Variants in NKAIN3 observed in about 807,000 individuals in gnomAD.
The protein encoded by NKAIN3 is sodium/potassium transporting ATPase interacting 3, also known as sodium/potassium-transporting ATPase subunit beta-1-interacting protein 3.
NKAIN3 carries 25 observed loss-of-function variants against 30.2 expected under a neutral mutation model. That is an observed-to-expected ratio of 0.83 (90% CI 0.60 to 1.16). The LOEUF is 1.16. NKAIN3 is among the 50% of genes most tolerant of loss of function. The pLI, the probability that NKAIN3 is intolerant of heterozygous loss-of-function variation, is 0.00. For synonymous variants in NKAIN3, 91 were observed against 89.6 expected, an observed-to-expected ratio of 1.02 and a Z score of -0.09; for missense variants, 225 against 254.1, an observed-to-expected ratio of 0.89 and a Z score of 0.78.
At position 62,388,509 on chromosome 8, in the gene NKAIN3, CTGCCA is replaced by C. The variant is rs1301277454; in HGVS notation, c.54+139383_54+139387del. On this transcript the variant is annotated intron_variant, in intron 1 of 6. Coordinates refer to ENST00000623646, the MANE Select transcript of NKAIN3 (RefSeq NM_001304533.3). ...TGGTAACAAATGGGGATGGGCAGAA[CTGCCA>C]AGCATATGTGGATTAACTAAAATTC... 1.8e-4 allele frequency among the ~76,000 whole-genome samples: 27 copies of C among 152,242 alleles called. 1 individual carries two copies. The highest frequency in any genetic ancestry group is 6.3e-3 in the Middle Eastern group (2 of 316).
At chr8:62,260,857 T>G (rs973035780) in intron 1 of NKAIN3, among the ~76,000 whole-genome samples, 20 of 152,328 alleles carry the variant, frequency 1.3e-4, no homozygotes, top group South Asian at 2.1e-4. Flanking sequence ...TATACTGTTA[T>G]CTCTGCTCTG....
intron 3 of NKAIN3, among the ~76,000 whole-genome samples, chr8:62,659,958 C>T (rs117750603): frequency 0.019 from 2,850 of 152,260 alleles, 35 homozygotes; most frequent in Non-Finnish European, 0.032. Context: ...GTGAGGCCTC[C>T]CAAGCCATGT....
chr8:62,292,806 G>T (rs1048818816), intron 1 of NKAIN3, among the ~76,000 whole-genome samples: 4 of 152,050 alleles, frequency 2.6e-5, no homozygotes, highest in Non-Finnish European at 5.9e-5. Context: ...GGAAGTTGTG[G>T]ATAATATCCT....
At chr8:62,779,257 C>T (rs139490339) in intron 4 of NKAIN3, among the ~76,000 whole-genome samples, 1 of 152,188 alleles carries the variant, frequency 6.6e-6, no homozygotes, top group East Asian at 1.9e-4. Context: ...TTCACTGGCA[C>T]CAAAGTCCAC....
intron 3 of NKAIN3, among the ~76,000 whole-genome samples, chr8:62,723,366 C>T (rs991907012): frequency 3.3e-5 from 5 of 152,012 alleles, no homozygotes; most frequent in African/African-American, 4.8e-5. Context: ...CATGCATACG[C>T]ATGCATGATT....
chr8:62,560,747 G>C (rs1027816807), intron 1 of NKAIN3, among the ~76,000 whole-genome samples: 4 of 151,466 alleles, frequency 2.6e-5, no homozygotes, highest in Non-Finnish European at 5.9e-5. Flanking sequence ...CACCATGGTG[G>C]CCAGGCTGAC....
chr8:62,394,580 T>G (rs1817671879), intron 1 of NKAIN3, among the ~76,000 whole-genome samples: 1 of 46,632 alleles, frequency 2.1e-5, no homozygotes, highest in East Asian at 1.0e-3. Flanking sequence ...CTTGGAGGGT[T>G]GCACAGTGGC....
intron 4 of NKAIN3, among the ~76,000 whole-genome samples, chr8:62,800,741 C>T (rs1202417050): frequency 1.3e-5 from 2 of 151,986 alleles, no homozygotes; most frequent in African/African-American, 2.4e-5. Flanking sequence ...GTTCATCTCA[C>T]TAGGGAGTGC....
At chr8:62,390,702 A>G (rs564505100) in intron 1 of NKAIN3, among the ~76,000 whole-genome samples, 6 of 152,088 alleles carry the variant, frequency 3.9e-5, no homozygotes, top group African/African-American at 1.4e-4. Flanking sequence ...ATCAGCATCT[A>G]TTGTTTTGTG....
chr8:62,833,266 A>G (rs1186125644), intron 4 of NKAIN3, among the ~76,000 whole-genome samples: 1 of 151,870 alleles, frequency 6.6e-6, no homozygotes, highest in Non-Finnish European at 1.5e-5. Context: ...ATGATCTAAC[A>G]TCACACAAAT....
chr8:62,335,410 C>T (rs1314601251), intron 1 of NKAIN3, among the ~76,000 whole-genome samples: 5 of 121,406 alleles, frequency 4.1e-5, no homozygotes, highest in South Asian at 2.6e-4. Flanking sequence ...GCCTGGGTGA[C>T]GGAGTAAGTG....
At chr8:62,370,457 C>A (rs1475733058) in intron 1 of NKAIN3, among the ~76,000 whole-genome samples, 1 of 151,856 alleles carries the variant, frequency 6.6e-6, no homozygotes, top group Non-Finnish European at 1.5e-5. Flanking sequence ...ATTAAAAAAT[C>A]AAACTGCTGT....
At chr8:62,616,482 C>A (rs1811458017) in intron 3 of NKAIN3, among the ~76,000 whole-genome samples, 1 of 152,128 alleles carries the variant, frequency 6.6e-6, no homozygotes, top group Admixed American at 6.6e-5. Context: ...AAGCCCAGGA[C>A]AAGATATGAG....
At chr8:62,918,930 T>A (rs912911908) in intron 5 of NKAIN3, among the ~76,000 whole-genome samples, 3 of 150,628 alleles carry the variant, frequency 2.0e-5, no homozygotes, top group Admixed American at 2.0e-4. Flanking sequence ...TCTATATGTA[T>A]ATAAACCATA....
chr8:62,353,068 TA>T (rs1299760880), intron 1 of NKAIN3, among the ~76,000 whole-genome samples: 2 of 152,150 alleles, frequency 1.3e-5, no homozygotes, highest in Non-Finnish European at 2.9e-5. Context: ...GTCTTTAAGT[TA>T]AAAAACTACA....
At chr8:62,855,910 T>G in intron 4 of NKAIN3, 2 of 760,312 alleles carry the variant, frequency 2.6e-6, no homozygotes. Context: ...CTGCGGGGTG[T>G]GTATCTGCGT....
chr8:62,718,153 A>T (rs965110407), intron 3 of NKAIN3, among the ~76,000 whole-genome samples: 4 of 152,158 alleles, frequency 2.6e-5, no homozygotes, highest in African/African-American at 9.7e-5. Context: ...AGCCCCCATG[A>T]TTCAATTACC....
At chr8:62,531,273 C>T (rs549281863) in intron 1 of NKAIN3, among the ~76,000 whole-genome samples, 1 of 152,246 alleles carries the variant, frequency 6.6e-6, no homozygotes, top group Non-Finnish European at 1.5e-5. Flanking sequence ...TGATTATGAA[C>T]ATTAAGAGTC....
At chr8:62,798,594 G>T (rs1248650386) in intron 4 of NKAIN3, among the ~76,000 whole-genome samples, 1 of 151,656 alleles carries the variant, frequency 6.6e-6, no homozygotes, top group Non-Finnish European at 1.5e-5. Context: ...AACAACAAAA[G>T]AAAGTAAAAA....
Sources: allele counts gnomAD v4.1 joint callset (sites outside exome capture counted in the v4.1 genomes callset), GRCh38; gene constraint gnomAD v4.1.1; transcripts MANE v1.5; gene names NCBI Gene and HGNC (gene_info 2026-07-23, HGNC 2026-07-21).